Variants in MTDH observed in about 807,000 individuals in gnomAD.
MTDH encodes metadherin.
A neutral mutation model predicts 72.7 loss-of-function variants in MTDH; 34 were observed. The ratio of observed to expected loss-of-function variants is 0.47; its 90% CI spans 0.36 to 0.62. The LOEUF (loss-of-function observed/expected upper bound fraction) is 0.62. Ranked by LOEUF, MTDH falls within the 20% of genes least tolerant of loss-of-function variation. The pLI, the probability that MTDH is intolerant of heterozygous loss-of-function variation, is 0.00. For missense variants in MTDH, 677 were observed against 699.4 expected, an observed-to-expected ratio of 0.97 and a Z score of 0.36; for synonymous variants, 266 against 268.9, an observed-to-expected ratio of 0.99 and a Z score of 0.10.
chr8:97,686,402 C>T (rs1427378674), intron 2 of MTDH, among the ~76,000 whole-genome samples: 1 of 152,114 alleles, frequency 6.6e-6, no homozygotes, highest in Non-Finnish European at 1.5e-5. Flanking sequence ...ATTTCCTCAT[C>T]TCTAAAATGG....
chr8:97,715,163 T>C (rs1407645549), intron 9 of MTDH, among the ~76,000 whole-genome samples: 1 of 151,434 alleles, frequency 6.6e-6, no homozygotes, highest in East Asian at 1.9e-4. Flanking sequence ...AGTCTCACTC[T>C]GTCACCCCGG....
chr8:97,680,271 C>T (rs1310289238), intron 2 of MTDH, among the ~76,000 whole-genome samples: 6 of 152,054 alleles, frequency 3.9e-5, no homozygotes, highest in Non-Finnish European at 5.9e-5. Flanking sequence ...ACAGTTTTGC[C>T]GTGTTGCCCA....
intron 7 of MTDH, 98 bp downstream of exon 7, chr8:97,699,950 C>A: frequency 1.3e-6 from 1 of 755,816 alleles, no homozygotes. Flanking sequence ...TCTAATTTCT[C>A]ACCTTTAAAG....
intron 2 of MTDH, among the ~76,000 whole-genome samples, chr8:97,668,151 G>C (rs772180097): frequency 4.6e-5 from 7 of 152,062 alleles, no homozygotes; most frequent in Non-Finnish European, 7.3e-5. Context: ...GCCGAGCGAG[G>C]TGGCAGGCGT....
At position 97,686,726 on chromosome 8, in the gene MTDH, G is replaced by T; in HGVS notation, c.542G>T (p.Arg181Leu). Residue 181 changes from arginine to leucine, a missense_variant, in exon 3 of 12, where the codon CGC (arginine) becomes CTC (leucine). By Grantham distance (102) the Arg-to-Leu change is moderately radical. Coordinates refer to ENST00000336273, the MANE Select transcript of MTDH (RefSeq NM_178812.4). ...GCTAAAGCAGTGCAAAACAGTTCACGCCATGATGGAAAGGAAGTTGATGAA... is the reference window on the plus strand; with the variant it reads ...GCTAAAGCAGTGCAAAACAGTTCACTCCATGATGGAAAGGAAGTTGATGAA... ...SDAKAVQNSS[R>L]HDGKEVDEGA... is the part of the protein sequence containing the mutation. 2 of 1,593,254 alleles carry T rather than the reference G, an allele frequency of 1.3e-6. No individual in the cohort carries two copies. The highest frequency in any genetic ancestry group is 1.7e-6 in the Non-Finnish European group (2 of 1,170,472).
chr8:97,674,633 A>G (rs1403506804), intron 2 of MTDH, among the ~76,000 whole-genome samples: 4 of 152,244 alleles, frequency 2.6e-5, no homozygotes, highest in Non-Finnish European at 4.4e-5. Context: ...TTTTAATTTT[A>G]TCAAGTGCAT....
chr8:97,702,836 A>C (rs1346955003), intron 7 of MTDH, among the ~76,000 whole-genome samples: 1 of 152,232 alleles, frequency 6.6e-6, no homozygotes, highest in Non-Finnish European at 1.5e-5. Flanking sequence ...CCAAATAAAG[A>C]CTAGCGAAGA....
At chr8:97,700,956 C>T (rs1256152750) in intron 7 of MTDH, among the ~76,000 whole-genome samples, 1 of 152,058 alleles carries the variant, frequency 6.6e-6, no homozygotes, top group Non-Finnish European at 1.5e-5. Flanking sequence ...CAGGGAGGAC[C>T]ATATTGTGAA....
chr8:97,705,589 G>T (rs867545774), intron 7 of MTDH, among the ~76,000 whole-genome samples: 16 of 152,332 alleles, frequency 1.1e-4, no homozygotes, highest in African/African-American at 3.6e-4. Flanking sequence ...GACAGAGCAA[G>T]ACTCCGTCTT....
chr8:97,723,500 T>G (rs1393536762), intron 11 of MTDH, among the ~76,000 whole-genome samples: 1 of 151,538 alleles, frequency 6.6e-6, no homozygotes, highest in Non-Finnish European at 1.5e-5. Context: ...TCCCAGCACT[T>G]TGAGAGGCTG....
At chr8:97,648,630 A>G (rs1287120837) in intron 1 of MTDH, among the ~76,000 whole-genome samples, 1 of 152,002 alleles carries the variant, frequency 6.6e-6, no homozygotes, top group African/African-American at 2.4e-5. Flanking sequence ...AAATGTTGGG[A>G]TTACAGGCAT....
rs77547202 is a variant in MTDH at position 97,680,358 on chromosome 8, C to G, written c.484-6310C>G. 4.6e-3 allele frequency among the ~76,000 whole-genome samples: 699 copies of G among 152,274 alleles called. 8 individuals carry two copies. Among genetic ancestry groups the G allele is most frequent in the African/African-American group, 0.016 (652 of 41,546 alleles). On this transcript the variant is annotated intron_variant, in intron 2 of 11. Coordinates refer to ENST00000336273, the MANE Select transcript of MTDH (RefSeq NM_178812.4). ...AAAGTGCTGGGATTACAAGCATGTA[C>G]CACCGCACCCAGCTCATCATCTAGA...
intron 10 of MTDH, among the ~76,000 whole-genome samples, chr8:97,719,462 C>T (rs1181234437): frequency 7.2e-6 from 1 of 139,426 alleles, no homozygotes; most frequent in Middle Eastern, 4.0e-3. Context: ...CACTGCACTC[C>T]GGCCTAGGCA....
At chr8:97,712,957 C>T (rs1353692488) in intron 8 of MTDH, among the ~76,000 whole-genome samples, 3 of 152,018 alleles carry the variant, frequency 2.0e-5, no homozygotes, top group African/African-American at 7.2e-5. Flanking sequence ...AAATATATTC[C>T]CCCATTGTGT....
chr8:97,680,723 T>C (rs1279262909), intron 2 of MTDH, among the ~76,000 whole-genome samples: 1 of 152,210 alleles, frequency 6.6e-6, no homozygotes, highest in Non-Finnish European at 1.5e-5. Flanking sequence ...GTGATGTCTG[T>C]TTTGAATAAT....
At chr8:97,718,911 G>T (rs745768962) in intron 9 of MTDH, 138 bp from the exon 10 acceptor site, 6 of 708,610 alleles carry the variant, frequency 8.5e-6, no homozygotes, top group African/African-American at 7.4e-5. Flanking sequence ...GCCCAGGCTG[G>T]TCTCAAATTC....
Position 97,711,039 on chromosome 8 carries a change from T to C in MTDH, c.1273-2623T>C, listed in dbSNP as rs145571064. On this transcript the variant is annotated intron_variant, in intron 8 of 11. Coordinates refer to ENST00000336273, the MANE Select transcript of MTDH (RefSeq NM_178812.4). Reference sequence around the variant, plus strand: ...ATAGATAGATAAGATACAGAGAAGATTGGCATGGCCTCTGCATCATTATGA... The same window carrying C: ...ATAGATAGATAAGATACAGAGAAGACTGGCATGGCCTCTGCATCATTATGA... Among the ~76,000 whole-genome samples the C allele has an allele frequency of 5.3e-3, 810 of 152,170 alleles. 5 individuals carry two copies. Among genetic ancestry groups the C allele is most frequent in the African/African-American group, 0.017 (717 of 41,514 alleles).
chr8:97,699,820 A>C lies in MTDH; in HGVS notation c.1115A>C (p.Gln372Pro). 6.2e-7 allele frequency: 1 copy of C among 1,613,300 alleles called. No homozygotes were observed. The highest frequency in any genetic ancestry group is 1.1e-5 in the South Asian group (1 of 91,056). The change falls in exon 7 of 12, where the codon CAA becomes CCA. Residue 372 changes from glutamine (Q) to proline (P), a missense_variant. By Grantham distance (76) the Gln-to-Pro change is moderately conservative. Transcript: ENST00000336273. Reference protein sequence around the residue: ...SDYQWDVSRNQPYIDDEWSGL... With the variant: ...SDYQWDVSRNPPYIDDEWSGL... ...TATCAGTGGGATGTTAGCCGTAATCAACCCTATATCGATGATGAATGGTCT... is the reference window on the plus strand; with the variant it reads ...TATCAGTGGGATGTTAGCCGTAATCCACCCTATATCGATGATGAATGGTCT...
intron 2 of MTDH, 43 bp from the exon 3 acceptor site, chr8:97,686,625 A>G: frequency 3.8e-6 from 5 of 1,321,940 alleles, no homozygotes; most frequent in Non-Finnish European, 4.1e-6. Context: ...TACTTATTCA[A>G]AAACATAACA....
Sources: allele counts gnomAD v4.1 joint callset (sites outside exome capture counted in the v4.1 genomes callset), GRCh38; gene constraint gnomAD v4.1.1; transcripts MANE v1.5; gene names NCBI Gene and HGNC (gene_info 2026-07-23, HGNC 2026-07-21).